CANX: variants seen among roughly 807,000 people sequenced by gnomAD.
The protein encoded by CANX is calnexin.
In CANX, 14 loss-of-function variants were observed where a neutral mutation model predicts 75.7. The observed-to-expected ratio is 0.19, with a 90% CI of 0.12 to 0.29. The LOEUF is 0.29. Among genes scored for constraint, CANX ranks in the 10% least tolerant of loss-of-function variants. CANX has a pLI of 1.00. For missense variants in CANX, 567 were observed against 713.2 expected, an observed-to-expected ratio of 0.79 and a Z score of 2.34; for synonymous variants, 227 against 236.9, an observed-to-expected ratio of 0.96 and a Z score of 0.38.
At position 179,723,869 on chromosome 5, in the gene CANX, T is replaced by G. The variant is rs1778472927; in HGVS notation, c.1518+90T>G. ...TAAGATATGTTGCCTGAGGTTTTCT[T>G]TGTAGTGGCTCAGTAATGACCAAGC... On this transcript the variant is annotated intron_variant, in intron 12 of 14. Transcript: ENST00000247461. 23 of 1,184,536 alleles carry G rather than the reference T, an allele frequency of 1.9e-5. No individual in the cohort carries two copies. In the South Asian group the frequency reaches 3.5e-4, roughly 18 times the overall value. The allele number at this position is 1,184,536 out of a possible 1,614,324, so 73.4% of individuals were successfully genotyped here. A position where few individuals can be genotyped will look rare whatever the true frequency, so the allele number is the denominator to read the frequency against.
At chr5:179,723,527 AT>A in intron 11 of CANX, 132 bp from the exon 12 acceptor site, 4 of 870,678 alleles carry the variant, frequency 4.6e-6, no homozygotes, top group African/African-American at 1.7e-5. Context: ...TCTTTTTTAC[AT>A]TTTATGAGCA....
intron 1 of CANX, chr5:179,679,061 A>G (rs1424188488): frequency 1.3e-5 from 20 of 1,534,880 alleles, no homozygotes; most frequent in Non-Finnish European, 1.7e-5. Context: ...GGGCCGCGAG[A>G]TGTGATCGGC....
intron 3 of CANX, 35 bp from the exon 4 acceptor site, chr5:179,707,097 A>G: frequency 7.6e-7 from 1 of 1,318,362 alleles, no homozygotes; most frequent in Non-Finnish European, 1.1e-6. Flanking sequence ...GTCAACTGTC[A>G]TTTTAAGACT....
chr5:179,686,812 CTT>C (rs1776198285), intron 1 of CANX, among the ~76,000 whole-genome samples: 1 of 152,060 alleles, frequency 6.6e-6, no homozygotes, highest in Admixed American at 6.6e-5. Context: ...GAGCTTTGCT[CTT>C]GTTGCCCAGG....
At chr5:179,714,459 T>C (rs1041472992) in intron 7 of CANX, among the ~76,000 whole-genome samples, 1 of 152,246 alleles carries the variant, frequency 6.6e-6, no homozygotes, top group African/African-American at 2.4e-5. Flanking sequence ...TTTGTCAATA[T>C]GTGTATATAC....
chr5:179,719,754 A>T lies in CANX; in HGVS notation c.998A>T (p.Asp333Val), dbSNP rs1313354040. 6.2e-7 allele frequency: 1 copy of T among 1,608,566 alleles called. No individual in the cohort carries two copies. Among genetic ancestry groups the T allele is most frequent in the South Asian group, 1.1e-5 (1 of 90,250 alleles). ...WLDDEPEYVPDPDAEKPEDWD... is the reference protein window; with the variant it reads ...WLDDEPEYVPVPDAEKPEDWD... ...GATGATGAGCCTGAGTACGTACCTG[A>T]TCCAGACGCAGAGAAACCTGAGGAT... is the stretch of plus-strand genomic sequence containing the variant. The change falls in exon 9 of 15, where the codon GAT (aspartate) becomes GTT (valine). Residue 333 changes from aspartate (D) to valine (V), a missense_variant. By Grantham distance (152) the Asp-to-Val change is radical (BLOSUM62 -3). Around this residue, in one of 3 missense-constraint regions of CANX, gnomAD observed 351 missense variants for 433.8 expected, o/e 0.81. Coordinates refer to ENST00000247461, the MANE Select transcript of CANX (RefSeq NM_001746.4).
chr5:179,700,695 G>A (rs776992744), intron 1 of CANX, among the ~76,000 whole-genome samples: 1 of 152,122 alleles, frequency 6.6e-6, no homozygotes, highest in African/African-American at 2.4e-5. Flanking sequence ...GGGCCACAAG[G>A]GATAAGTGTT....
At chr5:179,727,916 C>A (rs996700379) in intron 14 of CANX, among the ~76,000 whole-genome samples, 1 of 152,218 alleles carries the variant, frequency 6.6e-6, no homozygotes, top group South Asian at 2.1e-4. Flanking sequence ...CCCAGCACCT[C>A]TGTGTCTAAA....
intron 12 of CANX, 80 bp from the exon 13 acceptor site, chr5:179,724,577 C>G: frequency 8.3e-7 from 1 of 1,205,872 alleles, no homozygotes; most frequent in Non-Finnish European, 1.2e-6. Flanking sequence ...TGGAACAGAA[C>G]TTTGCCTGTA....
intron 1 of CANX, among the ~76,000 whole-genome samples, chr5:179,692,003 A>G (rs1776306939): frequency 6.7e-6 from 1 of 149,948 alleles, no homozygotes; most frequent in Non-Finnish European, 1.5e-5. Flanking sequence ...GACAGTCTCG[A>G]TCTCCTGACC....
chr5:179,678,972 C>T (rs1775976516), intron 1 of CANX: 2 of 1,535,894 alleles, frequency 1.3e-6, no homozygotes, highest in Non-Finnish European at 1.7e-6. Flanking sequence ...CCCAGCTCGG[C>T]CTGGCGCGTG....
chr5:179,695,776 G>A (rs1368051712), upstream of CANX, among the ~76,000 whole-genome samples: 2 of 151,532 alleles, frequency 1.3e-5, no homozygotes, highest in Non-Finnish European at 2.9e-5. Flanking sequence ...TCAGCCTCCC[G>A]AGTAGCTGGG....
chr5:179,681,118 G>A, intron 1 of CANX: 1 of 577,474 alleles, frequency 1.7e-6, no homozygotes, highest in Non-Finnish European at 3.2e-6. Flanking sequence ...GGACAAGAAG[G>A]GGTGCTGACC....
At chr5:179,698,040 T>C (rs770785507), upstream of CANX, among the ~76,000 whole-genome samples, 10 of 152,292 alleles carry the variant, frequency 6.6e-5, no homozygotes, top group South Asian at 4.2e-4. Flanking sequence ...TCCACCCTAG[T>C]AGTCAAGCCT....
chr5:179,681,991 T>G (rs1776076172), intron 1 of CANX, among the ~76,000 whole-genome samples: 1 of 147,846 alleles, frequency 6.8e-6, no homozygotes, highest in Non-Finnish European at 1.5e-5. Flanking sequence ...GTTTCATGCC[T>G]GTAAATCCCA....
At chr5:179,715,820 T>C (rs919842781) in intron 7 of CANX, 1 of 440,406 alleles carries the variant, frequency 2.3e-6, no homozygotes, top group South Asian at 2.1e-5. Flanking sequence ...TTCTTGTTTT[T>C]TTTGTTTTTT....
intron 11 of CANX, among the ~76,000 whole-genome samples, chr5:179,723,235 A>G (rs1340772846): frequency 6.7e-6 from 1 of 149,842 alleles, no homozygotes; most frequent in Non-Finnish European, 1.5e-5. Context: ...TTTTTTTTTT[A>G]TTATTTGTCT....
At chr5:179,687,085 T>TTTTG (rs560413183) in intron 1 of CANX, among the ~76,000 whole-genome samples, 14 of 141,306 alleles carry the variant, frequency 9.9e-5, no homozygotes, top group African/African-American at 3.2e-4. Flanking sequence ...CCTGCAGTTT[T>TTTTG]TTTGTTTGTT....
intron 2 of CANX, 53 bp downstream of exon 2, chr5:179,705,905 A>G: frequency 5.4e-6 from 8 of 1,477,748 alleles, no homozygotes; most frequent in Non-Finnish European, 7.5e-6. Flanking sequence ...TGATAAAATT[A>G]TGAAGATACC....
Sources: allele counts gnomAD v4.1 joint callset (sites outside exome capture counted in the v4.1 genomes callset), GRCh38; gene constraint gnomAD v4.1.1; regional missense constraint gnomAD v4.1.1; transcripts MANE v1.5; gene names NCBI Gene and HGNC (gene_info 2026-07-23, HGNC 2026-07-21).